Variants in LAMB4 observed in about 807,000 individuals in gnomAD.
LAMB4 encodes the protein laminin subunit beta 4.
A neutral mutation model predicts 199.2 loss-of-function variants in LAMB4; 196 were observed. The observed-to-expected ratio is 0.98, with a 90% CI of 0.88 to 1.11. The LOEUF is 1.11. Ranked by LOEUF, LAMB4 falls within the 50% of genes least tolerant of loss-of-function variation. The pLI, the probability that LAMB4 is intolerant of heterozygous loss-of-function variation, is 0.00. For missense variants in LAMB4, 2,080 were observed against 2,171.2 expected (o/e 0.96, Z 0.83); for synonymous variants, 744 against 770.6 (o/e 0.97, Z 0.57).
At position 108,034,362 on chromosome 7, in the gene LAMB4, A is replaced by T; in HGVS notation, c.4680-16T>A. ...TGCTGCTTTCCTAAGGTAAGATATT[A>T]ACATATCAGATTAGATAAATACACA... is the stretch of plus-strand genomic sequence containing the variant. On this transcript the variant is annotated splice_polypyrimidine_tract_variant and intron_variant, in intron 30 of 33. Transcript: ENST00000388781. The T allele has an allele frequency of 1.3e-6, 2 of 1,566,588 alleles. No individual in the cohort carries two copies. The highest frequency in any genetic ancestry group is 4.5e-5 in the East Asian group (2 of 44,596).
At chr7:108,018,855 C>T (rs958531003), downstream of LAMB4, among the ~76,000 whole-genome samples, 2 of 152,156 alleles carry the variant, frequency 1.3e-5, no homozygotes, top group African/African-American at 2.4e-5. Context: ...GGCTTTCATC[C>T]ACCCTACCCA....
At chr7:108,116,545 C>T (rs1479121914) in intron 2 of LAMB4, among the ~76,000 whole-genome samples, 1 of 152,068 alleles carries the variant, frequency 6.6e-6, no homozygotes, top group Non-Finnish European at 1.5e-5. Flanking sequence ...ATATGAAAGT[C>T]CAAGAGATGC....
intron 14 of LAMB4, among the ~76,000 whole-genome samples, chr7:108,088,352 G>A (rs1260255298): frequency 2.0e-5 from 3 of 152,086 alleles, no homozygotes; most frequent in South Asian, 2.1e-4. Context: ...TAGTAGAGAC[G>A]GGGTTTCGCC....
At chr7:108,036,194 ATT>A (rs564957239) in intron 30 of LAMB4, among the ~76,000 whole-genome samples, 1 of 142,464 alleles carries the variant, frequency 7.0e-6, no homozygotes. Flanking sequence ...TGATTACTTG[ATT>A]TTTTTTTTTT....
intron 21 of LAMB4, 125 bp downstream of exon 21, chr7:108,065,637 G>A (rs2036309328): frequency 1.5e-6 from 1 of 660,542 alleles, no homozygotes; most frequent in Non-Finnish European, 2.4e-6. Context: ...TTATCACATT[G>A]TGTCTTCTTA....
At chr7:108,113,920 T>G (rs929152257) in intron 3 of LAMB4, among the ~76,000 whole-genome samples, 1 of 148,892 alleles carries the variant, frequency 6.7e-6, no homozygotes, top group African/African-American at 2.6e-5. Flanking sequence ...TAATACACTT[T>G]GTCAGCCTGA....
At chr7:108,053,636 A>G (rs142146648) in intron 25 of LAMB4, among the ~76,000 whole-genome samples, 28 of 152,310 alleles carry the variant, frequency 1.8e-4, no homozygotes, top group African/African-American at 6.7e-4. Flanking sequence ...CTGCTGGTTG[A>G]AGAAGCTCAG....
the LAMB4 span, among the ~76,000 whole-genome samples, chr7:108,016,556 C>T: frequency 6.6e-6 from 1 of 152,160 alleles, no homozygotes; most frequent in African/African-American, 2.4e-5. Context: ...AGTGCTAGGA[C>T]CACAGGCATG....
chr7:108,057,270 A>G (rs138469260), intron 24 of LAMB4, among the ~76,000 whole-genome samples: 3 of 152,338 alleles, frequency 2.0e-5, no homozygotes, highest in Admixed American at 2.0e-4. Flanking sequence ...AAAATAGTAG[A>G]CGGACACAGG....
intron 25 of LAMB4, among the ~76,000 whole-genome samples, chr7:108,053,632 G>T (rs2035893192): frequency 6.6e-6 from 1 of 152,222 alleles, no homozygotes; most frequent in African/African-American, 2.4e-5. Context: ...TGGGCTGCTG[G>T]TTGAAGAAGC....
intron 17 of LAMB4, among the ~76,000 whole-genome samples, chr7:108,070,504 TTCCTCCTCC>T (rs1358217965): frequency 6.6e-6 from 1 of 152,130 alleles, no homozygotes; most frequent in South Asian, 2.1e-4. Context: ...AGCCCTCCTC[TTCCTCCTCC>T]TCCTCAGCCT....
downstream of LAMB4, among the ~76,000 whole-genome samples, chr7:108,022,201 C>A (rs552496686): frequency 2.0e-5 from 3 of 152,304 alleles, no homozygotes; most frequent in South Asian, 6.2e-4. Flanking sequence ...AATTCCTTTC[C>A]TGCTTAATAA....
chr7:108,107,637 A>C lies in LAMB4; in HGVS notation c.585T>G (p.Gly195=). 6.3e-7 allele frequency: 1 copy of C among 1,596,992 alleles called. No individual in the cohort carries two copies. The change falls in exon 6 of 34, where the codon GGT becomes GGG. Residue 195 remains glycine, a synonymous_variant. Coordinates refer to ENST00000388781, the MANE Select transcript of LAMB4 (RefSeq NM_007356.3). ...SKYSDIEPST[G]GEVVLKVLDP... is the part of the protein sequence containing the mutation. ...ACAAGGAAGGAAATGCTACCTCTCC[A>C]CCTGTTGAGGGTTCAATATCCGAGT... is the stretch of plus-strand genomic sequence containing the variant.
At chr7:108,082,935 A>G (rs1473651786) in intron 14 of LAMB4, among the ~76,000 whole-genome samples, 4 of 152,190 alleles carry the variant, frequency 2.6e-5, no homozygotes, top group Admixed American at 1.3e-4. Context: ...GTCAATTACC[A>G]CAAATTTAAC....
chr7:108,092,830 G>C (rs931683031), intron 12 of LAMB4, among the ~76,000 whole-genome samples: 6 of 152,086 alleles, frequency 3.9e-5, no homozygotes, highest in African/African-American at 1.2e-4. Context: ...TTTGAACGTG[G>C]GAGGTGGAGG....
chr7:108,076,733 A>G (rs2036716816), intron 17 of LAMB4, among the ~76,000 whole-genome samples: 2 of 152,202 alleles, frequency 1.3e-5, no homozygotes, highest in South Asian at 4.1e-4. Flanking sequence ...TACCTACCAC[A>G]CAGGGTTTCT....
chr7:108,057,699 CTT>C, intron 24 of LAMB4, 131 bp downstream of exon 24: 1 of 615,842 alleles, frequency 1.6e-6, no homozygotes, highest in South Asian at 2.0e-5. Flanking sequence ...TAGAATTAAA[CTT>C]TGTGAGTTTT....
intron 14 of LAMB4, among the ~76,000 whole-genome samples, chr7:108,088,538 A>G (rs1414793038): frequency 6.6e-6 from 1 of 152,254 alleles, no homozygotes; most frequent in Non-Finnish European, 1.5e-5. Flanking sequence ...AGAAGTTCAG[A>G]TTATTCCACC....
At chr7:108,059,226 C>A (rs1280121436) in intron 23 of LAMB4, among the ~76,000 whole-genome samples, 1 of 151,812 alleles carries the variant, frequency 6.6e-6, no homozygotes, top group Non-Finnish European at 1.5e-5. Context: ...CTGCCTCAGC[C>A]TCCCGAGTAG....
Sources: gnomAD v4.1 joint callset for allele counts (sites outside exome capture counted in the v4.1 genomes callset) on GRCh38, gnomAD v4.1.1 for gene constraint, MANE v1.5 for transcripts, NCBI Gene and HGNC (gene_info 2026-07-23, HGNC 2026-07-21) for gene names.